MIPEP: variants seen among roughly 807,000 people sequenced by gnomAD.
MIPEP encodes the protein mitochondrial intermediate peptidase.
MIPEP carries 79 observed loss-of-function variants against 90.3 expected under a neutral mutation model. The ratio of observed to expected loss-of-function variants is 0.87; its 90% CI spans 0.73 to 1.05. The LOEUF (loss-of-function observed/expected upper bound fraction) is 1.05, where lower values mean the gene tolerates loss of function less well. Ranked by LOEUF, MIPEP falls within the 50% of genes least tolerant of loss-of-function variation. The pLI is 0.00. For missense variants in MIPEP, 940 were observed against 905.6 expected (o/e 1.04, Z -0.49); for synonymous variants, 334 against 315.8 (o/e 1.06, Z -0.61).
In MIPEP at chr13:23,741,837, AT is replaced by A. The variant is rs1478930075; in HGVS notation, c.2045-11393del. ...TAGAAAAAAAATTTAAAAAAAAAAA[AT>A]AAAAGTTAAAAGCTAGTCATATTCT... On this transcript the variant is annotated intron_variant, in intron 18 of 18. Transcript: ENST00000382172. 4.6e-3 allele frequency among the ~76,000 whole-genome samples: 703 copies of A among 152,130 alleles called. 4 individuals carry two copies. The highest frequency in any genetic ancestry group is 0.016 in the African/African-American group (646 of 41,496).
chr13:23,815,032 A>C (rs1387692484), intron 14 of MIPEP, among the ~76,000 whole-genome samples: 3 of 152,230 alleles, frequency 2.0e-5, no homozygotes, highest in Non-Finnish European at 4.4e-5. Context: ...GATGAGAATC[A>C]AGCAAGATAA....
At chr13:23,876,725 A>C (rs1871089179) in intron 4 of MIPEP, among the ~76,000 whole-genome samples, 1 of 152,186 alleles carries the variant, frequency 6.6e-6, no homozygotes, top group Non-Finnish European at 1.5e-5. Flanking sequence ...GTTTTGCCTT[A>C]CCAAAGTTTG....
At chr13:23,806,576 G>T (rs975742436) in intron 15 of MIPEP, among the ~76,000 whole-genome samples, 2 of 151,982 alleles carry the variant, frequency 1.3e-5, no homozygotes, top group Admixed American at 1.3e-4. Flanking sequence ...TACTCGGGAG[G>T]CTGAGGCAGG....
intron 9 of MIPEP, among the ~76,000 whole-genome samples, chr13:23,860,694 T>C (rs948290529): frequency 6.6e-6 from 1 of 152,080 alleles, no homozygotes; most frequent in Non-Finnish European, 1.5e-5. Context: ...TCATTCATAG[T>C]TCAAATAAGT....
chr13:23,776,008 T>C (rs547253142), intron 16 of MIPEP, among the ~76,000 whole-genome samples: 6 of 152,206 alleles, frequency 3.9e-5, no homozygotes, highest in Non-Finnish European at 8.8e-5. Context: ...TTTAAGTATA[T>C]GGTCATATTC....
chr13:23,840,153 A>T (rs1019217151), intron 11 of MIPEP, among the ~76,000 whole-genome samples: 1 of 152,220 alleles, frequency 6.6e-6, no homozygotes, highest in Non-Finnish European at 1.5e-5. Context: ...TCCCAGCTTG[A>T]GTTAAAAATC....
intron 9 of MIPEP, 91 bp from the exon 10 acceptor site, chr13:23,859,003 C>G (rs1194388573): frequency 5.9e-6 from 6 of 1,011,220 alleles, no homozygotes; most frequent in Non-Finnish European, 9.2e-6. Flanking sequence ...TGTAAACCAG[C>G]TACTGTTCAT....
Position 23,818,327 on chromosome 13 carries a change from T to G in MIPEP, c.1654-8403A>C, listed in dbSNP as rs150131047. On this transcript the variant is annotated intron_variant, in intron 14 of 18. Transcript: ENST00000382172. The stretch of plus-strand genomic sequence containing the variant: ...CCCAGCTACTCAGGAGGCTGAGGCA[T>G]GAGAATCGCTGGAACGCGAATGCGG... Among the ~76,000 whole-genome samples, 1,320 of 151,756 alleles carry G rather than the reference T, an allele frequency of 8.7e-3. 18 individuals carry two copies. The highest frequency in any genetic ancestry group is 0.031 in the African/African-American group (1,276 of 41,394).
At chr13:23,846,335 T>A (rs1393736710) in intron 10 of MIPEP, among the ~76,000 whole-genome samples, 1 of 152,172 alleles carries the variant, frequency 6.6e-6, no homozygotes, top group Non-Finnish European at 1.5e-5. Flanking sequence ...AGGAGAGACA[T>A]GACAAAATCC....
intron 16 of MIPEP, among the ~76,000 whole-genome samples, chr13:23,766,947 A>G (rs966039921): frequency 6.6e-6 from 1 of 152,030 alleles, no homozygotes; most frequent in African/African-American, 2.4e-5. Flanking sequence ...TAGCAAGCTC[A>G]CTCTAGAACA....
intron 18 of MIPEP, among the ~76,000 whole-genome samples, chr13:23,751,427 G>T (rs1369402544): frequency 6.6e-6 from 1 of 152,214 alleles, no homozygotes; most frequent in African/African-American, 2.4e-5. Context: ...TCAGTTTGTT[G>T]AGAATTGACT....
At chr13:23,864,087 A>T in intron 8 of MIPEP, 54 bp downstream of exon 8, 1 of 1,040,452 alleles carries the variant, frequency 9.6e-7, no homozygotes, top group East Asian at 2.6e-5. Flanking sequence ...AGTCTTCTTT[A>T]AAAAGACTAA....
intron 14 of MIPEP, among the ~76,000 whole-genome samples, chr13:23,831,387 G>GGAGT (rs1555237554): frequency 4.3e-5 from 6 of 140,338 alleles, no homozygotes; most frequent in Admixed American, 7.2e-5. Flanking sequence ...CCATGGCGGG[G>GGAGT]GGGGGATGTG....
rs114621555 is a variant in MIPEP at position 23,762,993 on chromosome 13, C to T, written c.1849-2776G>A. Among the ~76,000 whole-genome samples the T allele has an allele frequency of 2.9e-3, 448 of 152,284 alleles. 2 individuals are homozygous for T. Among genetic ancestry groups the T allele is most frequent in the African/African-American group, 0.011 (437 of 41,550 alleles). On this transcript the variant is annotated intron_variant, in intron 16 of 18. Coordinates refer to ENST00000382172, the MANE Select transcript of MIPEP (RefSeq NM_005932.4). Reference sequence around the variant, plus strand: ...AGTGAAGGGCAGAGAAAGGTAGACACGTACTTTTCATCCTATTAAGATGCA... The same window carrying T: ...AGTGAAGGGCAGAGAAAGGTAGACATGTACTTTTCATCCTATTAAGATGCA...
chr13:23,826,457 T>A (rs1868458654), intron 14 of MIPEP, among the ~76,000 whole-genome samples: 1 of 152,014 alleles, frequency 6.6e-6, no homozygotes, highest in East Asian at 1.9e-4. Context: ...CTGCAAAGAA[T>A]CAATACCAGA....
At chr13:23,870,759 C>T (rs1432115479) in intron 5 of MIPEP, among the ~76,000 whole-genome samples, 1 of 151,984 alleles carries the variant, frequency 6.6e-6, no homozygotes, top group African/African-American at 2.4e-5. Context: ...GAGCCGAGAT[C>T]GCACCACTGT....
In MIPEP at chr13:23,822,334, C is replaced by A. The variant is rs575592540; in HGVS notation, c.1654-12410G>T. Reference sequence around the variant, plus strand: ...ATTTGACTATATGACTATAACAAGACAATGCAGCCTGTCTAATATGCTAAA... The same window carrying A: ...ATTTGACTATATGACTATAACAAGAAAATGCAGCCTGTCTAATATGCTAAA... On this transcript the variant is annotated intron_variant, in intron 14 of 18. Transcript: ENST00000382172. 3.0e-3 allele frequency among the ~76,000 whole-genome samples: 458 copies of A among 152,256 alleles called. 4 individuals carry two copies. Among genetic ancestry groups the A allele is most frequent in the African/African-American group, 0.011 (437 of 41,532 alleles).
intron 16 of MIPEP, among the ~76,000 whole-genome samples, chr13:23,771,570 T>C (rs938632667): frequency 4.9e-4 from 61 of 125,370 alleles, no homozygotes; most frequent in African/African-American, 1.1e-3. Context: ...CACACACACA[T>C]CTGCATTTCT....
At chr13:23,877,235 T>TA (rs1452127917) in intron 4 of MIPEP, among the ~76,000 whole-genome samples, 1 of 152,214 alleles carries the variant, frequency 6.6e-6, no homozygotes, top group Admixed American at 6.5e-5. Context: ...GCATTAAACT[T>TA]ATAGTAATAA....
Sources: gnomAD v4.1 joint callset for allele counts (sites outside exome capture counted in the v4.1 genomes callset) on GRCh38, gnomAD v4.1.1 for gene constraint, MANE v1.5 for transcripts, NCBI Gene and HGNC (gene_info 2026-07-23, HGNC 2026-07-21) for gene names.